The following ABHD18 variants were observed in gnomAD, a reference collection of about 807,000 sequenced individuals.
ABHD18 encodes the protein cardiolipin-specific deacylase, mitochondrial.
Under a neutral mutation model 65.9 loss-of-function variants are expected in ABHD18, and 55 were observed. The observed-to-expected ratio is 0.84, with a 90% CI of 0.67 to 1.05. The LOEUF is 1.05. Among genes scored for constraint, ABHD18 ranks in the 50% least tolerant of loss-of-function variants. The pLI, the probability that ABHD18 is intolerant of heterozygous loss-of-function variation, is 0.00. For missense variants in ABHD18, 533 were observed against 558.5 expected (o/e 0.95, Z 0.46); for synonymous variants, 181 against 180.2 (o/e 1.00, Z -0.04).
At chr4:127,986,169 C>G (rs1447926919) in intron 3 of ABHD18, among the ~76,000 whole-genome samples, 4 of 152,220 alleles carry the variant, frequency 2.6e-5, no homozygotes, top group Admixed American at 1.3e-4. Flanking sequence ...TTAGCTGTCA[C>G]TTTCCATTGC....
chr4:128,025,841 A>G (rs1757259408), intron 10 of ABHD18, among the ~76,000 whole-genome samples: 1 of 152,186 alleles, frequency 6.6e-6, no homozygotes, highest in Admixed American at 6.6e-5. Context: ...GCATGAGGGA[A>G]GTTGAGCAAG....
intron 12 of ABHD18, among the ~76,000 whole-genome samples, chr4:128,034,235 G>A (rs566702895): frequency 6.6e-6 from 1 of 152,098 alleles, no homozygotes; most frequent in Admixed American, 6.6e-5. Context: ...GGGATTACAG[G>A]CGTAAGCCAC....
intron 4 of ABHD18, among the ~76,000 whole-genome samples, chr4:127,993,472 A>G (rs753972033): frequency 6.6e-6 from 1 of 152,152 alleles, no homozygotes; most frequent in Non-Finnish European, 1.5e-5. Context: ...ATGAAATACT[A>G]TAAGTTCCCA....
At chr4:127,974,951 G>A (rs925323837) in intron 1 of ABHD18, among the ~76,000 whole-genome samples, 5 of 142,230 alleles carry the variant, frequency 3.5e-5, no homozygotes, top group Non-Finnish European at 6.0e-5. Flanking sequence ...AGCCGAGATC[G>A]CGCCATTGCA....
At chr4:127,991,126 G>C (rs986612881) in intron 4 of ABHD18, among the ~76,000 whole-genome samples, 2 of 152,110 alleles carry the variant, frequency 1.3e-5, no homozygotes, top group African/African-American at 4.8e-5. Context: ...GCCTCCCAAA[G>C]TGCTGAGATT....
At chr4:128,005,943 C>T (rs1333257391) in intron 4 of ABHD18, among the ~76,000 whole-genome samples, 1 of 152,198 alleles carries the variant, frequency 6.6e-6, no homozygotes, top group East Asian at 1.9e-4. Flanking sequence ...GCTACCACAG[C>T]CCCACAGAGC....
intron 4 of ABHD18, among the ~76,000 whole-genome samples, chr4:128,007,737 T>C (rs1212782899): frequency 4.4e-5 from 6 of 136,266 alleles, no homozygotes; most frequent in East Asian, 2.3e-4. Flanking sequence ...AGACCCTGTC[T>C]CCAAAAAAAA....
rs1756234063 is a variant in ABHD18 at position 128,020,131 on chromosome 4, T to A, written c.661T>A (p.Cys221Ser). The A allele has an allele frequency of 1.1e-5, 18 of 1,613,622 alleles. No homozygotes were observed. Among genetic ancestry groups the A allele is most frequent in the Admixed American group, 1.7e-5 (1 of 59,982 alleles). ...GCCTAAGCCCATGCCATTGATTCCA[T>A]GCCTGTCTTGGTCCACAGCATCTGG... ...NWPKPMPLIP[C>S]LSWSTASGVF... Residue 221 changes from cysteine to serine, a missense_variant, in exon 9 of 13, where the codon TGC becomes AGC. Physicochemically the swap from Cys to Ser is moderately radical, Grantham distance 112 (BLOSUM62 -1). Transcript: ENST00000645843.
chr4:128,008,916 A>G lies in ABHD18; in HGVS notation c.279-4A>G. 6.3e-7 allele frequency: 1 copy of G among 1,596,884 alleles called. No individual in the cohort carries two copies. ...TATTGATAAGTCTATGCTTTTAAAA[A>G]TAGGTTCCAATTTATTGTGCCTAAA... On this transcript the variant is annotated splice_region_variant and splice_polypyrimidine_tract_variant and intron_variant, in intron 4 of 12. Transcript: ENST00000645843.
At chr4:128,026,405 GC>G (rs1169466838) in intron 10 of ABHD18, among the ~76,000 whole-genome samples, 1 of 151,662 alleles carries the variant, frequency 6.6e-6, no homozygotes. Flanking sequence ...GTTGCAGTGA[GC>G]TGAAATCGTG....
chr4:128,028,633 A>T lies in ABHD18; in HGVS notation c.960A>T (p.Thr320=). The change falls in exon 11 of 13, where the codon ACA becomes ACT. Residue 320 remains threonine, a synonymous_variant. Coordinates refer to ENST00000645843, the MANE Select transcript of ABHD18 (RefSeq NM_001358451.3). Reference sequence around the variant, plus strand: ...CTGACTGCCATAATTCTAGCAAAACATCTGTCAGTGCGACATCAGAAGGAC... The same window carrying T: ...CTGACTGCCATAATTCTAGCAAAACTTCTGTCAGTGCGACATCAGAAGGAC... ...KPADCHNSSK[T]SVSATSEGLL... 1 of 1,613,926 alleles carries T rather than the reference A, an allele frequency of 6.2e-7. No individual in the cohort carries two copies. The highest frequency in any genetic ancestry group is 8.5e-7 in the Non-Finnish European group (1 of 1,179,872).
rs1412595873 is a variant in ABHD18 at position 128,030,647 on chromosome 4, T to C, written c.1318T>C (p.Tyr440His). The change falls in exon 12 of 13, where the codon TAT (tyrosine) becomes CAT (histidine). Residue 440 changes from tyrosine to histidine, a missense_variant. Tyr to His is a moderately conservative substitution (Grantham distance 83, BLOSUM62 2). Transcript: ENST00000645843. ...CTTAGAAGGGGGTCATATTAGTGCT[T>C]ATCTTTTTAAACAAGGACTCTTCAG... is the stretch of plus-strand genomic sequence containing the variant. ...RYLEGGHISA[Y>H]LFKQGLFRQA... The C allele has an allele frequency of 1.9e-6, 3 of 1,596,452 alleles. No individual in the cohort carries two copies. The highest frequency in any genetic ancestry group is 2.5e-6 in the Non-Finnish European group (3 of 1,176,582).
chr4:127,977,252 C>A (rs937047802), intron 1 of ABHD18, among the ~76,000 whole-genome samples: 4 of 148,880 alleles, frequency 2.7e-5, no homozygotes, highest in Non-Finnish European at 5.9e-5. Flanking sequence ...GCAGGTGGAT[C>A]ACCTGAGGTC....
chr4:128,027,134 A>G (rs1394214024), intron 10 of ABHD18, among the ~76,000 whole-genome samples: 9 of 152,266 alleles, frequency 5.9e-5, no homozygotes, highest in African/African-American at 1.4e-4. Context: ...TTGTGTTACA[A>G]TTGCCTACAG....
chr4:127,983,597 G>A (rs1749427705), intron 2 of ABHD18, among the ~76,000 whole-genome samples: 2 of 152,190 alleles, frequency 1.3e-5, no homozygotes, highest in African/African-American at 4.8e-5. Flanking sequence ...TGGGCGCGGT[G>A]GCTCACGTCT....
At chr4:128,020,247 C>A in intron 9 of ABHD18, 78 bp downstream of exon 9, 2 of 1,004,024 alleles carry the variant, frequency 2.0e-6, no homozygotes, top group Non-Finnish European at 1.5e-6. Flanking sequence ...CAAAACCACC[C>A]TCAGCTTTGG....
chr4:128,013,647 G>C (rs1472581161), intron 7 of ABHD18, among the ~76,000 whole-genome samples: 1 of 151,674 alleles, frequency 6.6e-6, no homozygotes, highest in Non-Finnish European at 1.5e-5. Flanking sequence ...ACAGTGAGCC[G>C]AGATTGCGCC....
chr4:127,990,999 G>C (rs1239837142), intron 4 of ABHD18, among the ~76,000 whole-genome samples: 2 of 152,018 alleles, frequency 1.3e-5, no homozygotes, highest in Non-Finnish European at 1.5e-5. Context: ...GAGTAGCTGG[G>C]ATTATAAGCG....
intron 1 of ABHD18, among the ~76,000 whole-genome samples, chr4:127,974,630 C>T (rs903828707): frequency 6.6e-6 from 1 of 151,880 alleles, no homozygotes; most frequent in Admixed American, 6.6e-5. Context: ...GTGTCAGCCT[C>T]CCAAAGTGCA....
Sources: gnomAD v4.1 joint callset for allele counts (sites outside exome capture counted in the v4.1 genomes callset) on GRCh38, gnomAD v4.1.1 for gene constraint, MANE v1.5 for transcripts, NCBI Gene and HGNC (gene_info 2026-07-23, HGNC 2026-07-21) for gene names.